Variants in NPY4R observed in about 807,000 individuals in gnomAD.
NPY4R encodes neuropeptide Y receptor type 4.
Under a neutral mutation model 11.9 loss-of-function variants are expected in NPY4R, and 2 were observed. The observed-to-expected ratio is 0.17, with a 90% CI of 0.07 to 0.53. The LOEUF (loss-of-function observed/expected upper bound fraction) is 0.53, where lower values mean the gene tolerates loss of function less well. Ranked by LOEUF, NPY4R falls within the 20% of genes least tolerant of loss-of-function variation. The pLI is 0.94. For synonymous variants in NPY4R, 8 were observed against 121.7 expected (o/e 0.07, Z 6.15); for missense variants, 26 against 280.2 (o/e 0.09, Z 6.48).
upstream of NPY4R, among the ~76,000 whole-genome samples, chr10:46,466,113 G>T (rs1457290404): frequency 6.7e-6 from 1 of 148,522 alleles, no homozygotes; most frequent in Non-Finnish European, 1.5e-5. Flanking sequence ...CTGCAGCCCT[G>T]CCTGCGTGTG....
upstream of NPY4R, among the ~76,000 whole-genome samples, chr10:46,466,231 CTTT>C (rs1841027916): frequency 5.9e-5 from 4 of 68,304 alleles, no homozygotes; most frequent in Admixed American, 1.4e-4. Context: ...TTCTTTCTTT[CTTT>C]CTTTCTTTCT....
At chr10:46,466,260 T>TTCC, upstream of NPY4R, among the ~76,000 whole-genome samples, 1 of 66,056 alleles carries the variant, frequency 1.5e-5, no homozygotes. Flanking sequence ...TCTTTCTTTC[T>TTCC]TTCCTTTCTT....
chr10:46,466,248 T>TTTCTTTC (rs1841035490), upstream of NPY4R, among the ~76,000 whole-genome samples: 1 of 72,154 alleles, frequency 1.4e-5, no homozygotes, highest in Admixed American at 1.4e-4. Context: ...TCTTTCTTTC[T>TTTCTTTC]TTCTTTCTTT....
Position 46,462,073 on chromosome 10 carries a change from TGG to T in NPY4R, c.561_562del (p.Asn187LysfsTer11). Reference sequence around the variant, plus strand: ...CGCCAGGAACTCCAGAGCCTTGGAGTGGTTCTTGTGGAAGACATTCTCCAGGA... The same window carrying T: ...CGCCAGGAACTCCAGAGCCTTGGAGTTTCTTGTGGAAGACATTCTCCAGGA... On this transcript the variant is annotated frameshift_variant, in exon 3 of 3. Coordinates refer to ENST00000374312, the MANE Select transcript of NPY4R (RefSeq NM_005972.6). LOFTEE classifies it high-confidence loss of function. 1 of 619,826 alleles carries T rather than the reference TGG, an allele frequency of 1.6e-6. No individual in the cohort carries two copies. Among genetic ancestry groups the T allele is most frequent in the Non-Finnish European group, 2.6e-6 (1 of 385,882 alleles). 38.4% of individuals were successfully genotyped at this position (619,826 alleles called of 1,614,324 possible). A position where few individuals can be genotyped will look rare whatever the true frequency, so the allele number is the denominator to read the frequency against.
upstream of NPY4R, among the ~76,000 whole-genome samples, chr10:46,467,903 T>A (rs1403828605): frequency 9.5e-6 from 1 of 104,722 alleles, no homozygotes; most frequent in Non-Finnish European, 1.9e-5. Context: ...ATTTGAGAAC[T>A]ACTGCGCAAG....
rs1483155382 is a variant in NPY4R at position 46,461,165 on chromosome 10, G to A, written c.*343C>T. On this transcript the variant is annotated 3_prime_UTR_variant, in exon 3 of 3. Coordinates refer to ENST00000374312, the MANE Select transcript of NPY4R (RefSeq NM_005972.6). ...GTGGCCCCGTGGTCTCACTGGTGGA[G>A]GTGAAATCCCTGGGTTCCCAGGCCA... 1 of 136,642 alleles carries A rather than the reference G, an allele frequency of 7.3e-6. No individual in the cohort carries two copies. Among genetic ancestry groups the A allele is most frequent in the Non-Finnish European group, 1.6e-5 (1 of 61,888 alleles). 8.5% of individuals were successfully genotyped at this position (136,642 alleles called of 1,614,324 possible). A position where few individuals can be genotyped will look rare whatever the true frequency, so the allele number is the denominator to read the frequency against.
upstream of NPY4R, among the ~76,000 whole-genome samples, chr10:46,466,282 T>TTC (rs1160755760): frequency 2.5e-3 from 157 of 63,714 alleles, 10 homozygotes; most frequent in Middle Eastern, 0.016. Context: ...CTTTCTTTCT[T>TTC]TCTCTCTCTC....
At chr10:46,466,260 TTTC>T (rs1841041286), upstream of NPY4R, among the ~76,000 whole-genome samples, 7 of 66,050 alleles carry the variant, frequency 1.1e-4, no homozygotes, top group African/African-American at 5.8e-4. Flanking sequence ...TCTTTCTTTC[TTTC>T]CTTTCTTTCT....
chr10:46,466,251 CT>C (rs1304678813), upstream of NPY4R, among the ~76,000 whole-genome samples: 22 of 68,378 alleles, frequency 3.2e-4, no homozygotes, highest in Admixed American at 7.4e-4. Flanking sequence ...TTCTTTCTTT[CT>C]TTCTTTCTTT....
rs1303871673 is a variant in NPY4R at position 46,463,873 on chromosome 10, G to A, written c.-203C>T. On this transcript the variant is annotated 5_prime_UTR_variant, in exon 2 of 3. Coordinates refer to ENST00000374312, the MANE Select transcript of NPY4R (RefSeq NM_005972.6). The stretch of plus-strand genomic sequence containing the variant: ...AGATGTAGTTAAGTGAATCCAGGAT[G>A]GGGGCCAGGAATCTGTATTTAACAA... The A allele has an allele frequency of 7.0e-6, 1 of 142,896 alleles. No individual in the cohort carries two copies. Among genetic ancestry groups the A allele is most frequent in the Non-Finnish European group, 1.5e-5 (1 of 66,668 alleles). 8.9% of individuals were successfully genotyped at this position (142,896 alleles called of 1,614,324 possible).
chr10:46,462,549 G>T lies in NPY4R; in HGVS notation c.87C>A (p.Asn29Lys), dbSNP rs782806221. ...NRSKPLGTPYNFSEHCQDSVD... is the reference protein window; with the variant it reads ...NRSKPLGTPYKFSEHCQDSVD... ...CGGAATCCTGGCAATGTTCAGAGAA[G>T]TTGTATGGGGTGCCCAGGGGTTTGC... Residue 29 changes from asparagine (N) to lysine (K), a missense_variant, in exon 3 of 3, where the codon AAC becomes AAA. Coordinates refer to ENST00000374312, the MANE Select transcript of NPY4R (RefSeq NM_005972.6). 1 of 1,613,658 alleles carries T rather than the reference G, an allele frequency of 6.2e-7. No individual in the cohort carries two copies. Among genetic ancestry groups the T allele is most frequent in the Admixed American group, 1.7e-5 (1 of 60,028 alleles).
At chr10:46,466,187 CTTT>C (rs1841018481), upstream of NPY4R, among the ~76,000 whole-genome samples, 11 of 9,986 alleles carry the variant, frequency 1.1e-3, 1 homozygote, top group African/African-American at 2.4e-3. Context: ...TTCTCTCTTT[CTTT>C]CTTTCTTTCT....
At chr10:46,466,108 G>T (rs1163641121), upstream of NPY4R, among the ~76,000 whole-genome samples, 1 of 148,192 alleles carries the variant, frequency 6.7e-6, no homozygotes, top group Non-Finnish European at 1.5e-5. Flanking sequence ...CGGAACTGCA[G>T]CCCTGCCTGC....
At chr10:46,466,213 T>TTC (rs1565142334), upstream of NPY4R, among the ~76,000 whole-genome samples, 1 of 58,622 alleles carries the variant, frequency 1.7e-5, no homozygotes, top group African/African-American at 1.1e-4. Flanking sequence ...CTTTCTTTCT[T>TTC]TCTTTCTTTC....
At chr10:46,466,255 CTTTCTTTCCTT>C (rs1841039076), upstream of NPY4R, among the ~76,000 whole-genome samples, 2 of 64,826 alleles carry the variant, frequency 3.1e-5, no homozygotes, top group African/African-American at 1.0e-4. Context: ...TTCTTTCTTT[CTTTCTTTCCTT>C]TCTTTCTTTC....
upstream of NPY4R, among the ~76,000 whole-genome samples, chr10:46,466,179 CTCTCTT>C (rs1251558079): frequency 2.9e-4 from 6 of 20,626 alleles, 1 homozygote; most frequent in African/African-American, 3.9e-4. Context: ...CGCTGTCTTT[CTCTCTT>C]TCTTTCTTTC....
chr10:46,466,181 C>CTCTCTTTCTT (rs1283571743), upstream of NPY4R, among the ~76,000 whole-genome samples: 383 of 22,172 alleles, frequency 0.017, 18 homozygotes, highest in East Asian at 0.052. Flanking sequence ...CTGTCTTTCT[C>CTCTCTTTCTT]TCTTTCTTTC....
upstream of NPY4R, among the ~76,000 whole-genome samples, chr10:46,466,258 T>TCTTTCTTTCTTTC: frequency 1.6e-5 from 1 of 62,650 alleles, no homozygotes; most frequent in Non-Finnish European, 3.0e-5. Context: ...TTTCTTTCTT[T>TCTTTCTTTCTTTC]CTTTCCTTTC....
chr10:46,466,245 TTCTTTCTTTCTTTCTTTCCTTTC>T (rs1841033829), upstream of NPY4R, among the ~76,000 whole-genome samples: 4 of 68,550 alleles, frequency 5.8e-5, no homozygotes, highest in African/African-American at 3.1e-4. Context: ...CTTTCTTTCT[TTCTTTCTTTCTTTCTTTCCTTTC>T]TTTCTTTCTT....
Sources: allele counts gnomAD v4.1 joint callset (sites outside exome capture counted in the v4.1 genomes callset), GRCh38; gene constraint gnomAD v4.1.1; transcripts MANE v1.5; gene names NCBI Gene and HGNC (gene_info 2026-07-23, HGNC 2026-07-21).